Variants in DPP6 observed in about 807,000 individuals in gnomAD.
DPP6 encodes dipeptidyl peptidase like 6.
A neutral mutation model predicts 122.6 loss-of-function variants in DPP6; 69 were observed. That is an observed-to-expected ratio of 0.56 (90% CI 0.46 to 0.69). DPP6 has a LOEUF of 0.69. Among genes scored for constraint, DPP6 ranks in the 30% least tolerant of loss-of-function variants. The probability of loss-of-function intolerance (pLI) is 0.00; values close to 1 mark genes in which losing one functional copy is unlikely to be tolerated. For missense variants in DPP6, 928 were observed against 1,116.9 expected (o/e 0.83, Z 2.41); for synonymous variants, 418 against 433.1 (o/e 0.97, Z 0.43).
intron 16 of DPP6, chr7:154,838,729 T>A (rs1407181909): frequency 1.3e-5 from 2 of 152,284 alleles, no homozygotes; most frequent in East Asian, 3.9e-4. Flanking sequence ...AGAACAGAGG[T>A]GCCTCCTTAT....
At chr7:154,074,199 T>C (rs532929236) in intron 1 of DPP6, among the ~76,000 whole-genome samples, 48 of 148,672 alleles carry the variant, frequency 3.2e-4, no homozygotes, top group Non-Finnish European at 4.9e-4. Flanking sequence ...GGAGAACATA[T>C]ATACTCAACA....
In DPP6 at chr7:154,876,054, C is replaced by A. The variant is rs766639094; in HGVS notation, c.2032C>A (p.Arg678=). The stretch of plus-strand genomic sequence containing the variant: ...GACCAAGCTCCTGCACGAAGTGAGG[C>A]GGCGGCTGGGCTTGCTGGAGGAGAA... ...QGTKLLHEVR[R]RLGLLEEKDQ... is the part of the protein sequence containing the mutation. Residue 678 remains arginine, a synonymous_variant, in exon 20 of 26, where the codon CGG becomes AGG. Coordinates refer to ENST00000377770, the MANE Select transcript of DPP6 (RefSeq NM_130797.4). The A allele has an allele frequency of 6.2e-7, 1 of 1,609,608 alleles. No individual in the cohort carries two copies.
intron 3 of DPP6, among the ~76,000 whole-genome samples, chr7:154,499,926 A>T (rs1168877221): frequency 6.6e-6 from 1 of 152,196 alleles, no homozygotes; most frequent in Non-Finnish European, 1.5e-5. Flanking sequence ...CAAAATTATC[A>T]AAAGGAAAAG....
chr7:154,671,637 A>ATG (rs1838561150), intron 7 of DPP6, among the ~76,000 whole-genome samples: 1 of 144,790 alleles, frequency 6.9e-6, no homozygotes, highest in African/African-American at 2.5e-5. Flanking sequence ...CTGTGCATGC[A>ATG]TATGTGTGTG....
intron 17 of DPP6, among the ~76,000 whole-genome samples, chr7:154,859,600 T>G (rs1341313757): frequency 6.6e-6 from 1 of 152,246 alleles, no homozygotes; most frequent in Admixed American, 6.5e-5. Flanking sequence ...TTTTTCCTCT[T>G]TAGAAAATCT....
intron 1 of DPP6, among the ~76,000 whole-genome samples, chr7:154,191,221 A>C (rs1798601150): frequency 6.6e-6 from 1 of 152,246 alleles, no homozygotes; most frequent in African/African-American, 2.4e-5. Flanking sequence ...TGTGAAATAC[A>C]AACATACTTG....
chr7:154,461,993 G>A (rs1360468814), intron 2 of DPP6, among the ~76,000 whole-genome samples: 2 of 152,036 alleles, frequency 1.3e-5, no homozygotes, highest in Non-Finnish European at 2.9e-5. Flanking sequence ...CATTGTTTGA[G>A]GTCTTACATG....
chr7:154,151,133 C>G (rs926044096), intron 1 of DPP6, among the ~76,000 whole-genome samples: 3 of 152,224 alleles, frequency 2.0e-5, no homozygotes, highest in Non-Finnish European at 4.4e-5. Context: ...TCCCCAGAAC[C>G]CGATGTGGTT....
At chr7:154,552,392 G>A (rs1447518176) in intron 4 of DPP6, among the ~76,000 whole-genome samples, 1 of 152,176 alleles carries the variant, frequency 6.6e-6, no homozygotes, top group Non-Finnish European at 1.5e-5. Context: ...TTCTGAGAAA[G>A]ACATTGTATT....
At chr7:154,587,521 C>A in intron 5 of DPP6, 2 of 962,252 alleles carry the variant, frequency 2.1e-6, no homozygotes, top group Non-Finnish European at 3.0e-6. Flanking sequence ...CTTGAAGACC[C>A]AATGTGAACA....
chr7:153,855,409 A>G, the DPP6 span, among the ~76,000 whole-genome samples: 1 of 152,068 alleles, frequency 6.6e-6, no homozygotes, highest in African/African-American at 2.4e-5. Context: ...GTGTGTCTCC[A>G]TTTTCTCCCT....
At chr7:154,772,095 G>A (rs1796281237) in intron 9 of DPP6, among the ~76,000 whole-genome samples, 1 of 152,186 alleles carries the variant, frequency 6.6e-6, no homozygotes, top group African/African-American at 2.4e-5. Context: ...GTGCTCTGAA[G>A]CTGGGATTAT....
chr7:154,500,125 A>G (rs1438474453), intron 3 of DPP6, among the ~76,000 whole-genome samples: 2 of 152,154 alleles, frequency 1.3e-5, no homozygotes, highest in East Asian at 1.9e-4. Context: ...TACATTCTAG[A>G]CTTTCAGAAG....
chr7:154,532,395 T>A (rs1042881614), intron 3 of DPP6, among the ~76,000 whole-genome samples: 7 of 151,650 alleles, frequency 4.6e-5, no homozygotes, highest in South Asian at 2.1e-4. Flanking sequence ...GGAAAAAAAA[T>A]ATCAAACCAA....
At chr7:154,400,645 CTT>C (rs1815492645) in intron 1 of DPP6, among the ~76,000 whole-genome samples, 1 of 152,190 alleles carries the variant, frequency 6.6e-6, no homozygotes, top group Non-Finnish European at 1.5e-5. Context: ...AAAACTAACT[CTT>C]AGCCAGATAG....
Position 154,590,447 on chromosome 7 carries a change from C to T in DPP6, c.627+23531C>T, listed in dbSNP as rs139702391. On this transcript the variant is annotated intron_variant, in intron 5 of 25. Coordinates refer to ENST00000377770, the MANE Select transcript of DPP6 (RefSeq NM_130797.4). ...GTAACATTTAATGCGTTCTCAGCAG[C>T]GGGTAGGTCCGTGTTATGTTTGCAT... Among the ~76,000 whole-genome samples the T allele has an allele frequency of 2.2e-3, 336 of 150,102 alleles. 2 individuals carry two copies. Among genetic ancestry groups the T allele is most frequent in the African/African-American group, 7.5e-3 (306 of 40,544 alleles).
chr7:154,221,565 G>A (rs1027084641), intron 1 of DPP6, among the ~76,000 whole-genome samples: 2 of 152,110 alleles, frequency 1.3e-5, no homozygotes, highest in African/African-American at 4.8e-5. Context: ...TATTACTTCT[G>A]TTAAGTGCAG....
chr7:154,789,726 G>GCAGCAAAAGTGTGACTACAAAC (rs1199075536), intron 10 of DPP6, among the ~76,000 whole-genome samples: 1 of 152,192 alleles, frequency 6.6e-6, no homozygotes, highest in Non-Finnish European at 1.5e-5. Flanking sequence ...TTCCCTTCCA[G>GCAGCAAAAGTGTGACTACAAAC]CAGCAAAAGT....
chr7:154,270,968 A>C (rs937614323), intron 1 of DPP6, among the ~76,000 whole-genome samples: 1 of 152,134 alleles, frequency 6.6e-6, no homozygotes, highest in Non-Finnish European at 1.5e-5. Context: ...TCTAAAAGCA[A>C]GGTTGTTTAT....
Sources: gnomAD v4.1 joint callset for allele counts (sites outside exome capture counted in the v4.1 genomes callset) on GRCh38, gnomAD v4.1.1 for gene constraint, MANE v1.5 for transcripts, NCBI Gene and HGNC (gene_info 2026-07-23, HGNC 2026-07-21) for gene names.